Variants in CPQ observed in about 807,000 individuals in gnomAD.
CPQ encodes the protein Ser-Met dipeptidase.
Under a neutral mutation model 45.7 loss-of-function variants are expected in CPQ, and 37 were observed. The ratio of observed to expected loss-of-function variants is 0.81; its 90% confidence interval spans 0.62 to 1.07. The LOEUF (loss-of-function observed/expected upper bound fraction) is 1.07. Among genes scored for constraint, CPQ ranks in the 50% least tolerant of loss-of-function variants. The pLI is 0.00. For synonymous variants in CPQ, 186 were observed against 205.8 expected (o/e 0.90, Z 0.82); for missense variants, 537 against 572.9 (o/e 0.94, Z 0.64).
At chr8:96,739,635 TG>T (rs1810051809) in intron 1 of CPQ, among the ~76,000 whole-genome samples, 1 of 139,686 alleles carries the variant, frequency 7.2e-6, no homozygotes, top group African/African-American at 2.7e-5. Flanking sequence ...AATTGATTTT[TG>T]TATAAGGTGT....
At chr8:96,944,484 T>G (rs1177539917) in intron 4 of CPQ, among the ~76,000 whole-genome samples, 1 of 152,144 alleles carries the variant, frequency 6.6e-6, no homozygotes, top group Non-Finnish European at 1.5e-5. Flanking sequence ...CATTTCTTTC[T>G]GAAGTGTAGC....
intron 1 of CPQ, among the ~76,000 whole-genome samples, chr8:96,726,897 T>G (rs1409748168): frequency 6.6e-6 from 1 of 151,668 alleles, no homozygotes; most frequent in Non-Finnish European, 1.5e-5. Context: ...CTCTTGACTT[T>G]GGACTTCTCA....
At chr8:96,789,768 T>C (rs1468586928) in intron 2 of CPQ, among the ~76,000 whole-genome samples, 1 of 152,190 alleles carries the variant, frequency 6.6e-6, no homozygotes, top group Non-Finnish European at 1.5e-5. Context: ...TCAGAATAGC[T>C]TATTTTTTAG....
intron 1 of CPQ, among the ~76,000 whole-genome samples, chr8:96,647,599 A>G (rs1479248398): frequency 6.6e-6 from 1 of 152,162 alleles, no homozygotes; most frequent in African/African-American, 2.4e-5. Flanking sequence ...GCCAGGAAAA[A>G]CTGTGTGACT....
chr8:97,044,021 A>G (rs1048359904), intron 6 of CPQ, among the ~76,000 whole-genome samples: 2 of 152,092 alleles, frequency 1.3e-5, no homozygotes, highest in African/African-American at 2.4e-5. Flanking sequence ...CTGAATCTGA[A>G]TGTTGGCCTG....
chr8:96,984,018 T>C (rs1055307429), intron 5 of CPQ, among the ~76,000 whole-genome samples: 1 of 152,128 alleles, frequency 6.6e-6, no homozygotes, highest in East Asian at 1.9e-4. Context: ...CTCCTTTTTT[T>C]CTCCTTGTTT....
chr8:96,915,008 A>C (rs1015849811), intron 4 of CPQ, among the ~76,000 whole-genome samples: 1 of 152,188 alleles, frequency 6.6e-6, no homozygotes, highest in East Asian at 1.9e-4. Context: ...CTAAGTTATC[A>C]TAAAAGATGG....
intron 1 of CPQ, among the ~76,000 whole-genome samples, chr8:96,708,911 T>C (rs980649861): frequency 6.6e-6 from 1 of 152,208 alleles, no homozygotes; most frequent in Non-Finnish European, 1.5e-5. Context: ...ATTCTTAATA[T>C]ATAACTCCTA....
At chr8:96,646,239 A>G (rs1278834091) in intron 1 of CPQ, among the ~76,000 whole-genome samples, 1 of 151,970 alleles carries the variant, frequency 6.6e-6, no homozygotes, top group Non-Finnish European at 1.5e-5. Flanking sequence ...GCCCCCTGGT[A>G]TTTCCATTTT....
At chr8:96,987,512 GAT>G (rs1244251807) in intron 5 of CPQ, among the ~76,000 whole-genome samples, 1 of 152,196 alleles carries the variant, frequency 6.6e-6, no homozygotes, top group East Asian at 1.9e-4. Flanking sequence ...GGGAAGCATA[GAT>G]GGGTTAGAGG....
chr8:96,922,829 TTGA>T (rs1812826623), intron 4 of CPQ, among the ~76,000 whole-genome samples: 1 of 152,242 alleles, frequency 6.6e-6, no homozygotes, highest in Non-Finnish European at 1.5e-5. Context: ...TATAATATAC[TTGA>T]TGAGCCAGTT....
chr8:96,734,760 T>TA (rs1187152157), intron 1 of CPQ, among the ~76,000 whole-genome samples: 1 of 151,116 alleles, frequency 6.6e-6, no homozygotes, highest in Non-Finnish European at 1.5e-5. Flanking sequence ...TAAAATAAAA[T>TA]AAAAAAATAA....
rs184191046 is a variant in CPQ at position 96,922,054 on chromosome 8, C to T, written c.849+42049C>T. Among the ~76,000 whole-genome samples the T allele has an allele frequency of 2.0e-3, 300 of 151,854 alleles. 5 individuals are homozygous for T. The highest frequency in any genetic ancestry group is 0.019 in the Admixed American group (291 of 15,268). ...ATATGGAGAATGCTCCATTTTTCCCCGTAAGAGTAGCAATAATTTTTAAAA... is the reference window on the plus strand; with the variant it reads ...ATATGGAGAATGCTCCATTTTTCCCTGTAAGAGTAGCAATAATTTTTAAAA... On this transcript the variant is annotated intron_variant, in intron 4 of 7. Transcript: ENST00000220763.
At chr8:96,737,203 T>C (rs2130774917) in intron 1 of CPQ, among the ~76,000 whole-genome samples, 1 of 148,306 alleles carries the variant, frequency 6.7e-6, no homozygotes. Flanking sequence ...TAGTCAGGGT[T>C]CTCTTAGAGG....
At chr8:96,745,250 G>A (rs368276765) in intron 1 of CPQ, among the ~76,000 whole-genome samples, 3 of 152,102 alleles carry the variant, frequency 2.0e-5, no homozygotes, top group African/African-American at 4.8e-5. Context: ...GGAGGTTGCC[G>A]TGAGCTGAGA....
At chr8:97,124,470 G>T (rs1224307186) in intron 7 of CPQ, among the ~76,000 whole-genome samples, 2 of 152,042 alleles carry the variant, frequency 1.3e-5, no homozygotes, top group East Asian at 1.9e-4. Flanking sequence ...CAACAGCAGG[G>T]TGTACATTCT....
chr8:96,920,143 C>T lies in CPQ; in HGVS notation c.849+40138C>T, dbSNP rs147850101. On this transcript the variant is annotated intron_variant, in intron 4 of 7. Coordinates refer to ENST00000220763, the MANE Select transcript of CPQ (RefSeq NM_016134.4). ...TCATGACAGTTAATACAATGCTGAG[C>T]GAATATTTGATGATTGTCTGAAATA... Among the ~76,000 whole-genome samples the T allele has an allele frequency of 4.1e-3, 630 of 152,048 alleles. 15 individuals carry two copies. The highest frequency in any genetic ancestry group is 0.039 in the Admixed American group (592 of 15,262).
intron 7 of CPQ, among the ~76,000 whole-genome samples, chr8:97,108,386 T>C (rs772219261): frequency 6.6e-5 from 10 of 152,188 alleles, no homozygotes; most frequent in Non-Finnish European, 1.2e-4. Flanking sequence ...GGTTCCCAAA[T>C]AAGAGATTTT....
intron 5 of CPQ, among the ~76,000 whole-genome samples, chr8:96,990,531 A>G (rs559874476): frequency 6.6e-5 from 10 of 152,180 alleles, no homozygotes; most frequent in Non-Finnish European, 1.0e-4. Flanking sequence ...AGGCACACAG[A>G]ACTCAAATGC....
Sources: gnomAD v4.1 joint callset for allele counts (sites outside exome capture counted in the v4.1 genomes callset) on GRCh38, gnomAD v4.1.1 for gene constraint, MANE v1.5 for transcripts, NCBI Gene and HGNC (gene_info 2026-07-23, HGNC 2026-07-21) for gene names.